Variants in SLC8A1 observed in about 807,000 individuals in gnomAD.
SLC8A1 encodes solute carrier family 8 member A1, also known as sodium/calcium exchanger 1.
In SLC8A1, 18 loss-of-function variants were observed where a neutral mutation model predicts 68.3. The observed-to-expected ratio is 0.26, with a 90% CI of 0.18 to 0.39. The LOEUF (loss-of-function observed/expected upper bound fraction) is 0.39, where lower values mean the gene tolerates loss of function less well. Among genes scored for constraint, SLC8A1 ranks in the 10% least tolerant of loss-of-function variants. SLC8A1 has a pLI of 1.00. For synonymous variants in SLC8A1, 475 were observed against 415.5 expected (o/e 1.14, Z -1.74); for missense variants, 985 against 1,156.7 (o/e 0.85, Z 2.15).
intron 1 of SLC8A1, among the ~76,000 whole-genome samples, chr2:40,492,349 T>C (rs1258375716): frequency 6.6e-6 from 1 of 152,092 alleles, no homozygotes; most frequent in African/African-American, 2.4e-5. Flanking sequence ...TAACTCAAGA[T>C]GGATTAAAGA....
At chr2:40,136,253 A>T (rs1039690944) in intron 7 of SLC8A1, among the ~76,000 whole-genome samples, 3 of 152,142 alleles carry the variant, frequency 2.0e-5, no homozygotes, top group African/African-American at 7.2e-5. Flanking sequence ...TTGCCAAAAC[A>T]CCTAACATTG....
intron 2 of SLC8A1, among the ~76,000 whole-genome samples, chr2:40,230,527 T>C (rs984248766): frequency 6.6e-6 from 1 of 152,172 alleles, no homozygotes; most frequent in African/African-American, 2.4e-5. Flanking sequence ...ACAATCTTCA[T>C]TCTACATCAA....
At chr2:40,188,597 C>CT (rs1235712228) in intron 2 of SLC8A1, among the ~76,000 whole-genome samples, 4 of 152,168 alleles carry the variant, frequency 2.6e-5, no homozygotes, top group African/African-American at 9.7e-5. Flanking sequence ...TGTTACGTTT[C>CT]TTTTTTCAAA....
At chr2:40,131,665 C>G (rs1313965349) in intron 7 of SLC8A1, among the ~76,000 whole-genome samples, 2 of 152,136 alleles carry the variant, frequency 1.3e-5, no homozygotes, top group Admixed American at 6.5e-5. Flanking sequence ...TCCAAAGCTG[C>G]CAGTAAGCCT....
chr2:40,272,955 G>C (rs928443490), intron 2 of SLC8A1, among the ~76,000 whole-genome samples: 1 of 152,004 alleles, frequency 6.6e-6, no homozygotes, highest in Non-Finnish European at 1.5e-5. Context: ...CTTTTGTTTT[G>C]TTTTTGAGAT....
At chr2:40,226,289 G>C (rs780427608) in intron 2 of SLC8A1, among the ~76,000 whole-genome samples, 5 of 152,128 alleles carry the variant, frequency 3.3e-5, no homozygotes, top group East Asian at 3.9e-4. Flanking sequence ...ATTACATAAT[G>C]ATCCAAGGCT....
At chr2:40,313,496 C>T (rs765930088) in intron 2 of SLC8A1, among the ~76,000 whole-genome samples, 5 of 151,896 alleles carry the variant, frequency 3.3e-5, no homozygotes, top group African/African-American at 7.3e-5. Flanking sequence ...CTAAGGTAGT[C>T]GTACCATTTT....
At chr2:40,381,412 C>T (rs1681743802) in intron 2 of SLC8A1, among the ~76,000 whole-genome samples, 1 of 152,028 alleles carries the variant, frequency 6.6e-6, no homozygotes, top group Non-Finnish European at 1.5e-5. Context: ...GTGGGACAAA[C>T]TTCACAACTC....
intron 2 of SLC8A1, among the ~76,000 whole-genome samples, chr2:40,387,457 G>A (rs1036844140): frequency 6.6e-6 from 1 of 151,232 alleles, no homozygotes; most frequent in African/African-American, 2.5e-5. Context: ...TTTTTGCAAA[G>A]CTAATTGAAA....
intron 2 of SLC8A1, among the ~76,000 whole-genome samples, chr2:40,397,584 G>A (rs929864582): frequency 2.7e-4 from 41 of 152,206 alleles, no homozygotes; most frequent in African/African-American, 9.4e-4. Context: ...TACATTTGCC[G>A]AGCCTGACCG....
rs1438792392 is a variant in SLC8A1, at chr2:40,353,201, C to G, written c.1808+75272G>C. 2.0e-5 allele frequency among the ~76,000 whole-genome samples: 3 copies of G among 152,142 alleles called. No homozygotes were observed. In the East Asian group the frequency reaches 5.8e-4, roughly 29 times the overall value. On this transcript the variant is annotated intron_variant, in intron 2 of 7. Transcript: ENST00000406785. ...AATGAGAACTTTTTCTGGAAGCATT[C>G]TCCTGCCTGCTCAAATTTTGTTCCT...
chr2:40,322,269 T>G (rs1351298033), intron 2 of SLC8A1, among the ~76,000 whole-genome samples: 1 of 152,108 alleles, frequency 6.6e-6, no homozygotes, highest in African/African-American at 2.4e-5. Context: ...ACCTTTCTTT[T>G]TTTCATTCCA....
chr2:40,346,436 C>G (rs1482357154), intron 2 of SLC8A1, among the ~76,000 whole-genome samples: 2 of 152,110 alleles, frequency 1.3e-5, no homozygotes, highest in Non-Finnish European at 1.5e-5. Flanking sequence ...AAATTAGCAT[C>G]TCTGGGCAGA....
chr2:40,271,346 C>T (rs1170314166), intron 2 of SLC8A1, among the ~76,000 whole-genome samples: 1 of 152,098 alleles, frequency 6.6e-6, no homozygotes, highest in African/African-American at 2.4e-5. Context: ...TGTCTCGGCT[C>T]CTGTTTCTCC....
chr2:40,224,419 G>GA (rs35255354), intron 2 of SLC8A1, among the ~76,000 whole-genome samples: 5 of 152,218 alleles, frequency 3.3e-5, no homozygotes, highest in Admixed American at 2.0e-4. Flanking sequence ...CATTTTGTGA[G>GA]AAAAGAGGCA....
At chr2:40,430,079 C>T (rs1237906514) in exon 2 of SLC8A1, 1 of 1,613,806 alleles carries the variant, frequency 6.2e-7, no homozygotes, top group Non-Finnish European at 8.5e-7. Flanking sequence ...AAAGAAGGGT[C>T]TTGGGGTTCC....
At chr2:40,178,560 G>T in intron 2 of SLC8A1, 67 bp from the exon 3 acceptor site, 2 of 1,369,328 alleles carry the variant, frequency 1.5e-6, no homozygotes, top group South Asian at 2.4e-5. Context: ...ACATAGAGAA[G>T]AGGAAAGCAA....
intron 1 of SLC8A1, among the ~76,000 whole-genome samples, chr2:40,466,105 C>T (rs1389621492): frequency 6.6e-6 from 1 of 152,126 alleles, no homozygotes; most frequent in African/African-American, 2.4e-5. Context: ...TACCCAGTAT[C>T]AGGTATTTTT....
chr2:40,102,328 A>G (rs1315310378), exon 8 of SLC8A1: 1 of 150,312 alleles, frequency 6.7e-6, no homozygotes, highest in Non-Finnish European at 1.5e-5. Flanking sequence ...TTTGTTCACA[A>G]TTTCTTGAAT....
Sources: gnomAD v4.1 joint callset for allele counts (sites outside exome capture counted in the v4.1 genomes callset) on GRCh38, gnomAD v4.1.1 for gene constraint, MANE v1.5 for transcripts, NCBI Gene and HGNC (gene_info 2026-07-23, HGNC 2026-07-21) for gene names.